The following TMTC1 variants were observed in gnomAD, a reference collection of about 807,000 sequenced individuals.
The protein encoded by TMTC1 is transmembrane O-mannosyltransferase targeting cadherins 1, also known as protein O-mannosyl-transferase TMTC1.
A neutral mutation model predicts 104.8 loss-of-function variants in TMTC1; 73 were observed. The ratio of observed to expected loss-of-function variants is 0.70; its 90% CI spans 0.58 to 0.85. The LOEUF is 0.85. Ranked by LOEUF, TMTC1 falls within the 40% of genes least tolerant of loss-of-function variation. The pLI, the probability that TMTC1 is intolerant of heterozygous loss-of-function variation, is 0.00. For synonymous variants in TMTC1, 434 were observed against 428.7 expected (o/e 1.01, Z -0.15); for missense variants, 1,035 against 1,096.1 (o/e 0.94, Z 0.79).
intron 5 of TMTC1, among the ~76,000 whole-genome samples, chr12:29,644,147 G>GTATATA (rs1440433295): frequency 3.2e-5 from 2 of 61,548 alleles, no homozygotes; most frequent in African/African-American, 1.4e-4. Context: ...GTGTGTGTGT[G>GTATATA]TGTATATATA....
chr12:29,639,562 T>G (rs1324298641), intron 5 of TMTC1, among the ~76,000 whole-genome samples: 1 of 152,218 alleles, frequency 6.6e-6, no homozygotes, highest in African/African-American at 2.4e-5. Flanking sequence ...TTTGCAGAAC[T>G]GTAGGCAGTT....
chr12:29,660,883 T>C (rs138783218), intron 5 of TMTC1: 31,660 of 1,492,960 alleles, frequency 0.021, 457 homozygotes, highest in Admixed American at 0.062. Flanking sequence ...TGCTCTCAGA[T>C]ACCTAAAACG....
At chr12:29,644,149 G>GTGTGTGTATA (rs1174156187) in intron 5 of TMTC1, among the ~76,000 whole-genome samples, 2 of 49,388 alleles carry the variant, frequency 4.0e-5, no homozygotes, top group African/African-American at 1.5e-4. Flanking sequence ...GTGTGTGTGT[G>GTGTGTGTATA]TATATATATA....
chr12:29,667,456 C>G (rs970151644), intron 5 of TMTC1, among the ~76,000 whole-genome samples: 3 of 152,130 alleles, frequency 2.0e-5, no homozygotes, highest in Non-Finnish European at 4.4e-5. Context: ...CTTCAATTAT[C>G]ATATATTAAA....
chr12:29,651,986 C>T (rs1218346715), intron 5 of TMTC1, among the ~76,000 whole-genome samples: 1 of 151,982 alleles, frequency 6.6e-6, no homozygotes. Flanking sequence ...ATGTAAGTTA[C>T]CTGTGGCATG....
chr12:29,582,015 C>T (rs73071582), intron 8 of TMTC1, among the ~76,000 whole-genome samples: 19,779 of 152,138 alleles, frequency 0.13, 1,688 homozygotes, highest in African/African-American at 0.25. Flanking sequence ...AAAAACTCTA[C>T]ATTGAGCTCC....
In TMTC1 at chr12:29,583,512, C is replaced by A. The variant is rs777484526; in HGVS notation, c.1313G>T (p.Cys438Phe). 6.2e-7 allele frequency: 1 copy of A among 1,613,848 alleles called. No individual in the cohort carries two copies. The highest frequency in any genetic ancestry group is 1.1e-5 in the South Asian group (1 of 91,080). Residue 438 changes from cysteine (C) to phenylalanine (F), a missense_variant, in exon 8 of 18, where the codon TGT becomes TTT. Coordinates refer to ENST00000539277, the MANE Select transcript of TMTC1 (RefSeq NM_001193451.2). Reference protein sequence around the residue: ...LSKLCTWLNRCGATTLIVSTV... With the variant: ...LSKLCTWLNRFGATTLIVSTV... ...GGACACAATCAGGGTGGTGGCCCCA[C>A]ATCGATTCAGCCAAGTGCAGAGCTT...
At chr12:29,571,719 C>T (rs1306626617) in intron 9 of TMTC1, among the ~76,000 whole-genome samples, 1 of 152,078 alleles carries the variant, frequency 6.6e-6, no homozygotes, top group African/African-American at 2.4e-5. Flanking sequence ...GAAATAGTTT[C>T]AGGCATGGGA....
intron 5 of TMTC1, among the ~76,000 whole-genome samples, chr12:29,677,269 C>T (rs1940761968): frequency 6.6e-6 from 1 of 152,056 alleles, no homozygotes; most frequent in South Asian, 2.1e-4. Context: ...CTGTTTAGTA[C>T]CTTGTGATTT....
intron 6 of TMTC1, among the ~76,000 whole-genome samples, chr12:29,610,735 C>T (rs1389156072): frequency 2.0e-5 from 3 of 152,176 alleles, no homozygotes; most frequent in Non-Finnish European, 2.9e-5. Flanking sequence ...GCACAACCCA[C>T]ATCTCAAATG....
intron 1 of TMTC1, among the ~76,000 whole-genome samples, chr12:29,775,147 A>G (rs1943679058): frequency 6.6e-6 from 1 of 152,190 alleles, no homozygotes. Context: ...TCAAAAAGAG[A>G]GCCAGCAAAT....
chr12:29,622,581 G>A (rs1461785181), intron 6 of TMTC1, among the ~76,000 whole-genome samples: 1 of 152,136 alleles, frequency 6.6e-6, no homozygotes, highest in Non-Finnish European at 1.5e-5. Context: ...AGAAAAGAAT[G>A]GAATATTCAG....
intron 9 of TMTC1, among the ~76,000 whole-genome samples, chr12:29,571,082 G>A (rs961184976): frequency 6.6e-6 from 1 of 152,118 alleles, no homozygotes; most frequent in Admixed American, 6.5e-5. Context: ...GCATGATTTG[G>A]TTGGTAGACG....
rs1282222002 is a variant in TMTC1, at chr12:29,783,258, C to T, written c.302+192G>A. On this transcript the variant is annotated intron_variant, in intron 1 of 17. Coordinates refer to ENST00000539277, the MANE Select transcript of TMTC1 (RefSeq NM_001193451.2). The surrounding 1 kb of genome is among the most constrained non-coding windows in gnomAD (Gnocchi z 4.7). ...CCAGCCGGCGCCTCCCGAACCGCCCCGAGAGCCCAGATTAGCCGGGCAGTG... is the reference window on the plus strand; with the variant it reads ...CCAGCCGGCGCCTCCCGAACCGCCCTGAGAGCCCAGATTAGCCGGGCAGTG... Among the ~76,000 whole-genome samples the T allele has an allele frequency of 6.6e-6, 1 of 152,162 alleles. No individual in the cohort carries two copies. The highest frequency in any genetic ancestry group is 1.5e-5 in the Non-Finnish European group (1 of 68,026).
At chr12:29,683,624 C>T (rs1030843855) in intron 5 of TMTC1, among the ~76,000 whole-genome samples, 8 of 152,088 alleles carry the variant, frequency 5.3e-5, no homozygotes, top group Admixed American at 1.3e-4. Context: ...TTCTGAAAAG[C>T]GCTGCTAAAT....
chr12:29,764,109 A>G (rs1362434334), intron 2 of TMTC1, among the ~76,000 whole-genome samples: 1 of 152,234 alleles, frequency 6.6e-6, no homozygotes, highest in Admixed American at 6.5e-5. Context: ...CATTACCAAC[A>G]TGGTGGCTAT....
intron 5 of TMTC1, among the ~76,000 whole-genome samples, chr12:29,634,051 G>A (rs1938429991): frequency 6.6e-6 from 1 of 152,148 alleles, no homozygotes; most frequent in Admixed American, 6.5e-5. Context: ...CCAAATCTCT[G>A]CATTAGGAGA....
chr12:29,643,659 A>ATT (rs1939026722), intron 5 of TMTC1, among the ~76,000 whole-genome samples: 2 of 16,210 alleles, frequency 1.2e-4, no homozygotes, highest in African/African-American at 4.9e-4. Flanking sequence ...TATATTATAT[A>ATT]ATATATAATA....
At chr12:29,527,078 G>T (rs1944369050) in intron 11 of TMTC1, among the ~76,000 whole-genome samples, 1 of 152,138 alleles carries the variant, frequency 6.6e-6, no homozygotes, top group South Asian at 2.1e-4. Flanking sequence ...TTTCCAACTT[G>T]AAATTTGATT....
Sources: allele counts gnomAD v4.1 joint callset (sites outside exome capture counted in the v4.1 genomes callset), GRCh38; gene constraint gnomAD v4.1.1; non-coding constraint Gnocchi (gnomAD v3.1); transcripts MANE v1.5; gene names NCBI Gene and HGNC (gene_info 2026-07-23, HGNC 2026-07-21).